The following JMJD1C variants were observed in gnomAD, a reference collection of about 807,000 sequenced individuals.
JMJD1C encodes the protein jumonji domain containing 1C.
Under a neutral mutation model 245.3 loss-of-function variants are expected in JMJD1C, and 31 were observed. That is an observed-to-expected ratio of 0.13 (90% CI 0.09 to 0.17). The LOEUF (loss-of-function observed/expected upper bound fraction) is 0.17. Among genes scored for constraint, JMJD1C ranks in the 10% least tolerant of loss-of-function variants. The pLI, the probability that JMJD1C is intolerant of heterozygous loss-of-function variation, is 1.00. For synonymous variants in JMJD1C, 1,057 were observed against 1,017.4 expected (o/e 1.04, Z -0.74); for missense variants, 2,691 against 3,000.2 (o/e 0.90, Z 2.41).
chr10:63,362,708 T>A (rs1355266222), intron 2 of JMJD1C, among the ~76,000 whole-genome samples: 2 of 152,076 alleles, frequency 1.3e-5, no homozygotes, highest in Admixed American at 1.3e-4. Flanking sequence ...CTCGAACTCC[T>A]GGGCTCAAGC....
chr10:63,290,632 A>G (rs1233929379), intron 2 of JMJD1C, among the ~76,000 whole-genome samples: 1 of 152,230 alleles, frequency 6.6e-6, no homozygotes, highest in African/African-American at 2.4e-5. Context: ...TACACTGGCA[A>G]GACACAAACA....
In JMJD1C at chr10:63,217,320, A is replaced by G; in HGVS notation, c.565T>C (p.Leu189=). 6.3e-7 allele frequency: 1 copy of G among 1,586,372 alleles called. No homozygotes were observed. The highest frequency in any genetic ancestry group is 1.2e-5 in the South Asian group (1 of 85,234). ...QEIFMQGPYS[L]NGYRVRVYRQ... is the part of the protein sequence containing the mutation. The stretch of plus-strand genomic sequence containing the variant: ...TATACTCTCACTCTGTATCCATTTA[A>G]GGAATAAGGACCTTAAAAAAAACAC... The change falls in exon 5 of 26, where the codon TTA becomes CTA. Residue 189 remains leucine, a synonymous_variant. Coordinates refer to ENST00000399262, the MANE Select transcript of JMJD1C (RefSeq NM_032776.3).
chr10:63,357,354 G>A (rs1320258940), intron 2 of JMJD1C, among the ~76,000 whole-genome samples: 1 of 152,146 alleles, frequency 6.6e-6, no homozygotes, highest in East Asian at 1.9e-4. Context: ...TGCCCAGGCT[G>A]GAGTGCAATG....
intron 1 of JMJD1C, among the ~76,000 whole-genome samples, chr10:63,409,612 G>C (rs978469429): frequency 2.0e-5 from 3 of 152,152 alleles, no homozygotes; most frequent in African/African-American, 7.2e-5. Context: ...GACTATTCTT[G>C]TCTCTGTTCT....
At chr10:63,305,512 C>CCCCT (rs1938027444) in intron 2 of JMJD1C, among the ~76,000 whole-genome samples, 1 of 130,638 alleles carries the variant, frequency 7.7e-6, no homozygotes, top group African/African-American at 3.0e-5. Context: ...AAGGTCTGAC[C>CCCCT]CTCTCTCTCT....
chr10:63,509,336 G>A (rs920774257), intron 1 of JMJD1C, among the ~76,000 whole-genome samples: 4 of 152,184 alleles, frequency 2.6e-5, no homozygotes, highest in Non-Finnish European at 5.9e-5. Context: ...TAATTTTGTG[G>A]AGGATTTTTG....
chr10:63,433,586 CTTTTTT>C (rs539696706), intron 1 of JMJD1C, among the ~76,000 whole-genome samples: 5 of 86,848 alleles, frequency 5.8e-5, no homozygotes, highest in African/African-American at 1.6e-4. Flanking sequence ...CTTTTCTTTT[CTTTTTT>C]TTTTTTTTTT....
chr10:63,366,496 G>T (rs558986810), intron 2 of JMJD1C, among the ~76,000 whole-genome samples: 1 of 152,170 alleles, frequency 6.6e-6, no homozygotes, highest in African/African-American at 2.4e-5. Flanking sequence ...CAAACCTGAG[G>T]TTGGTTTTGG....
chr10:63,472,781 TTTTA>T (rs1213983554), intron 1 of JMJD1C, among the ~76,000 whole-genome samples: 12 of 152,188 alleles, frequency 7.9e-5, no homozygotes, highest in Admixed American at 6.5e-5. Flanking sequence ...ATAATTCAAT[TTTTA>T]TTTATTTATT....
At chr10:63,419,488 G>A (rs760181934) in intron 1 of JMJD1C, among the ~76,000 whole-genome samples, 5 of 152,040 alleles carry the variant, frequency 3.3e-5, no homozygotes, top group African/African-American at 7.2e-5. Flanking sequence ...ACCTGAAAAG[G>A]TGAGAAACCC....
chr10:63,250,117 A>C (rs1034140472), intron 3 of JMJD1C, among the ~76,000 whole-genome samples: 2 of 151,918 alleles, frequency 1.3e-5, no homozygotes, highest in Non-Finnish European at 2.9e-5. Context: ...GGCACAAGTG[A>C]TCCTCCTGCC....
intron 2 of JMJD1C, among the ~76,000 whole-genome samples, chr10:63,325,990 A>C (rs555519988): frequency 1.3e-5 from 2 of 152,340 alleles, no homozygotes; most frequent in Non-Finnish European, 2.9e-5. Flanking sequence ...AATTATTTTA[A>C]ATGACAACAG....
chr10:63,260,900 A>T (rs1200098332), intron 3 of JMJD1C, among the ~76,000 whole-genome samples: 1 of 151,982 alleles, frequency 6.6e-6, no homozygotes, highest in Non-Finnish European at 1.5e-5. Context: ...GTAACAAAAA[A>T]CTATTAAAAG....
At chr10:63,225,047 C>T (rs1036590879) in intron 3 of JMJD1C, among the ~76,000 whole-genome samples, 3 of 150,948 alleles carry the variant, frequency 2.0e-5, no homozygotes, top group East Asian at 1.9e-4. Flanking sequence ...AGAGACAGAG[C>T]GAGACTCTGT....
chr10:63,176,565 T>TAAA, intron 23 of JMJD1C, 92 bp from the exon 24 acceptor site: 1 of 918,666 alleles, frequency 1.1e-6, no homozygotes, highest in Non-Finnish European at 1.6e-6. Context: ...TAATAACAAA[T>TAAA]CTTTTCTTCT....
chr10:63,301,833 A>G, intron 2 of JMJD1C: 1 of 402,740 alleles, frequency 2.5e-6, no homozygotes, highest in South Asian at 1.8e-5. Flanking sequence ...AATAAAATAA[A>G]ACATTTTCAC....
At chr10:63,224,370 G>A (rs1848993637) in intron 3 of JMJD1C, among the ~76,000 whole-genome samples, 1 of 152,036 alleles carries the variant, frequency 6.6e-6, no homozygotes, top group African/African-American at 2.4e-5. Flanking sequence ...TTTGAGTGCT[G>A]AATGATGTGA....
intron 1 of JMJD1C, among the ~76,000 whole-genome samples, chr10:63,485,212 TTTTG>T (rs761239953): frequency 3.9e-5 from 6 of 152,196 alleles, no homozygotes; most frequent in African/African-American, 9.6e-5. Context: ...GTTCATTGCT[TTTTG>T]TTTGTCTGTT....
upstream of JMJD1C, among the ~76,000 whole-genome samples, chr10:63,467,162 G>A (rs1335174049): frequency 6.6e-6 from 1 of 152,130 alleles, no homozygotes; most frequent in Non-Finnish European, 1.5e-5. Flanking sequence ...AAATTATAAG[G>A]AAGATGGATT....
Sources: allele counts gnomAD v4.1 joint callset (sites outside exome capture counted in the v4.1 genomes callset), GRCh38; gene constraint gnomAD v4.1.1; transcripts MANE v1.5; gene names NCBI Gene and HGNC (gene_info 2026-07-23, HGNC 2026-07-21).